Variants in DHRS7B observed in about 807,000 individuals in gnomAD.
DHRS7B encodes peroxisomal reductase activating PPAR-gamma.
A neutral mutation model predicts 26.4 loss-of-function variants in DHRS7B; 24 were observed. That is an observed-to-expected ratio of 0.91 (90% CI 0.66 to 1.28). The LOEUF (loss-of-function observed/expected upper bound fraction) is 1.28. Among genes scored for constraint, DHRS7B ranks in the 50% most tolerant of loss-of-function variants. The pLI is 0.00. For missense variants in DHRS7B, 368 were observed against 419.4 expected, an observed-to-expected ratio of 0.88 and a Z score of 1.07; for synonymous variants, 142 against 166.4, an observed-to-expected ratio of 0.85 and a Z score of 1.13.
At chr17:21,187,633 C>CAAAAA (rs370213730) in intron 5 of DHRS7B, among the ~76,000 whole-genome samples, 12 of 99,688 alleles carry the variant, frequency 1.2e-4, no homozygotes, top group Non-Finnish European at 2.0e-4. Context: ...GACTCTGTCT[C>CAAAAA]AAAAAAAAAA....
chr17:21,142,183 C>T (rs947059656), intron 1 of DHRS7B, among the ~76,000 whole-genome samples: 5 of 152,048 alleles, frequency 3.3e-5, no homozygotes, highest in African/African-American at 4.8e-5. Context: ...AGGGGGTCCA[C>T]GTGAGAGGGT....
At chr17:21,159,094 G>T (rs913946044) in intron 1 of DHRS7B, among the ~76,000 whole-genome samples, 4 of 152,124 alleles carry the variant, frequency 2.6e-5, no homozygotes, top group African/African-American at 9.7e-5. Flanking sequence ...TGATGACCTC[G>T]GGTATGGTGG....
intron 1 of DHRS7B, 52 bp from the exon 2 acceptor site, chr17:21,171,966 C>T: frequency 6.2e-7 from 1 of 1,606,300 alleles, no homozygotes; most frequent in Non-Finnish European, 8.5e-7. Flanking sequence ...CTAGGAAAGT[C>T]CCCTGAACTC....
chr17:21,156,361 T>G (rs1187874498), intron 1 of DHRS7B, among the ~76,000 whole-genome samples: 3 of 151,914 alleles, frequency 2.0e-5, no homozygotes, highest in Admixed American at 6.6e-5. Context: ...ATCCTAGCAC[T>G]TTGGGAGGCA....
At chr17:21,188,646 G>A in intron 5 of DHRS7B, 65 bp from the exon 6 acceptor site, 2 of 1,492,296 alleles carry the variant, frequency 1.3e-6, no homozygotes, top group Non-Finnish European at 1.8e-6. Context: ...GTAGTGAATA[G>A]TTGGGCACCA....
At position 21,190,932 on chromosome 17, in the gene DHRS7B, G is replaced by A. The variant is rs374530443; in HGVS notation, c.773-16G>A. ...GCTTCCAAGTTCATGTGTTTCTTTTGTTTTATTTATTTTAGTTATGGACAC... is the reference window on the plus strand; with the variant it reads ...GCTTCCAAGTTCATGTGTTTCTTTTATTTTATTTATTTTAGTTATGGACAC... On this transcript the variant is annotated splice_polypyrimidine_tract_variant and intron_variant, in intron 6 of 6. Coordinates refer to ENST00000395511, the MANE Select transcript of DHRS7B (RefSeq NM_015510.5). 17 of 1,612,762 alleles carry A rather than the reference G, an allele frequency of 1.1e-5. No individual in the cohort carries two copies. The highest frequency in any genetic ancestry group is 1.3e-5 in the Non-Finnish European group (15 of 1,179,760).
rs530946170 is a variant in DHRS7B, at chr17:21,166,752, C to T, written c.21-5266C>T. On this transcript the variant is annotated intron_variant, in intron 1 of 6. Transcript: ENST00000395511. ...CCTAACTGCTTTAGCAATACTAAGC[C>T]ACTCCTTGCCGTGTGATTTCAGTGT... Among the ~76,000 whole-genome samples, 61 of 152,242 alleles carry T rather than the reference C, an allele frequency of 4.0e-4. No homozygotes were observed. In the South Asian group the frequency reaches 0.011, roughly 26 times the overall value.
intron 1 of DHRS7B, among the ~76,000 whole-genome samples, chr17:21,160,971 T>C (rs1973987248): frequency 6.6e-6 from 1 of 152,214 alleles, no homozygotes; most frequent in Admixed American, 6.5e-5. Context: ...AAAGGCTATG[T>C]ACCATATGTT....
intron 6 of DHRS7B, among the ~76,000 whole-genome samples, chr17:21,189,350 T>C (rs746592967): frequency 1.3e-5 from 2 of 152,182 alleles, no homozygotes; most frequent in Non-Finnish European, 2.9e-5. Flanking sequence ...CTTGTCTCAT[T>C]TGGAGACAGT....
intron 1 of DHRS7B, among the ~76,000 whole-genome samples, chr17:21,156,901 A>G (rs1206746715): frequency 8.2e-6 from 1 of 122,048 alleles, no homozygotes; most frequent in African/African-American, 3.1e-5. Context: ...ACAAAAACAA[A>G]ATTCTGTCTC....
intron 1 of DHRS7B, among the ~76,000 whole-genome samples, chr17:21,131,962 A>G (rs1973239018): frequency 6.6e-6 from 1 of 152,220 alleles, no homozygotes; most frequent in African/African-American, 2.4e-5. Flanking sequence ...GAATCAAAGA[A>G]ACTGTACTGA....
chr17:21,161,718 C>T (rs73305701), intron 1 of DHRS7B, among the ~76,000 whole-genome samples: 4,136 of 152,256 alleles, frequency 0.027, 176 homozygotes, highest in African/African-American at 0.092. Flanking sequence ...CCGAAAGAGA[C>T]ACAGCCGTGT....
chr17:21,153,592 T>TA (rs987080152), intron 1 of DHRS7B, among the ~76,000 whole-genome samples: 6 of 151,810 alleles, frequency 4.0e-5, no homozygotes, highest in African/African-American at 1.2e-4. Context: ...GTGTAATTTA[T>TA]AAAAAAACAG....
rs181762266 is a variant in DHRS7B at position 21,151,127 on chromosome 17, G to A, written c.21-20891G>A. Reference sequence around the variant, plus strand: ...ACGCATCAGATACAAGGGAACAACAGTTATGTGATTAGTGTCTGGCTTCTC... The same window carrying A: ...ACGCATCAGATACAAGGGAACAACAATTATGTGATTAGTGTCTGGCTTCTC... On this transcript the variant is annotated intron_variant, in intron 1 of 6. Coordinates refer to ENST00000395511, the MANE Select transcript of DHRS7B (RefSeq NM_015510.5). Among the ~76,000 whole-genome samples the A allele has an allele frequency of 2.0e-5, 3 of 152,318 alleles. No individual in the cohort carries two copies. The East Asian group carries it at 5.8e-4, about 29-fold the overall frequency.
At chr17:21,163,494 T>C (rs1347132743) in intron 1 of DHRS7B, among the ~76,000 whole-genome samples, 1 of 152,142 alleles carries the variant, frequency 6.6e-6, no homozygotes, top group Non-Finnish European at 1.5e-5. Flanking sequence ...GTCTCTTCTG[T>C]CCCCACTTCA....
At chr17:21,185,057 G>A (rs557723238) in intron 5 of DHRS7B, among the ~76,000 whole-genome samples, 54 of 152,272 alleles carry the variant, frequency 3.5e-4, no homozygotes, top group Middle Eastern at 3.4e-3. Context: ...GACACTTGAG[G>A]ATTTTTTTTC....
At chr17:21,171,577 G>A (rs1022332349) in intron 1 of DHRS7B, 8 of 294,290 alleles carry the variant, frequency 2.7e-5, no homozygotes, top group Admixed American at 4.4e-5. Flanking sequence ...GAATTGGTAC[G>A]ACTTCCTTTT....
chr17:21,171,454 G>C (rs1473358606), intron 1 of DHRS7B, among the ~76,000 whole-genome samples: 1 of 152,202 alleles, frequency 6.6e-6, no homozygotes, highest in Admixed American at 6.5e-5. Context: ...ATCCCCTTTG[G>C]GTGTCTGTGA....
chr17:21,147,519 G>A (rs1973667755), intron 1 of DHRS7B, among the ~76,000 whole-genome samples: 1 of 152,144 alleles, frequency 6.6e-6, no homozygotes, highest in African/African-American at 2.4e-5. Flanking sequence ...CAGTTCTCGA[G>A]GCCATGGAGA....
Sources: gnomAD v4.1 joint callset for allele counts (sites outside exome capture counted in the v4.1 genomes callset) on GRCh38, gnomAD v4.1.1 for gene constraint, MANE v1.5 for transcripts, NCBI Gene and HGNC (gene_info 2026-07-23, HGNC 2026-07-21) for gene names.